BMAL1: variants seen among roughly 807,000 people sequenced by gnomAD.
BMAL1 encodes the protein basic helix-loop-helix ARNT like 1.
chr11:13,284,144 GTGTATATATATATA>G, the BMAL1 span, among the ~76,000 whole-genome samples: 572 of 61,648 alleles, frequency 9.3e-3, 37 homozygotes, highest in East Asian at 0.031. Context: ...ATATATATAT[GTGTATATATATATA>G]TGTGTGTATA....
chr11:13,329,538 C>G, the BMAL1 span, among the ~76,000 whole-genome samples: 1 of 152,190 alleles, frequency 6.6e-6, no homozygotes, highest in Non-Finnish European at 1.5e-5. Context: ...AGTTTCCAGC[C>G]AGAGCCCATT....
chr11:13,315,577 G>A, the BMAL1 span, among the ~76,000 whole-genome samples: 4 of 152,202 alleles, frequency 2.6e-5, no homozygotes, highest in African/African-American at 9.6e-5. Flanking sequence ...TATCCCAGAT[G>A]CTGGACTGTG....
chr11:13,316,713 GT>G, the BMAL1 span, among the ~76,000 whole-genome samples: 1 of 152,208 alleles, frequency 6.6e-6, no homozygotes, highest in Admixed American at 6.5e-5. Flanking sequence ...GACTCATACT[GT>G]TTTTGACTGG....
the BMAL1 span, among the ~76,000 whole-genome samples, chr11:13,302,900 TCC>T: frequency 6.6e-6 from 1 of 152,226 alleles, no homozygotes; most frequent in African/African-American, 2.4e-5. Flanking sequence ...CATGTAAATA[TCC>T]ATTCAGCCTC....
At chr11:13,322,267 G>A in the BMAL1 span, among the ~76,000 whole-genome samples, 1 of 152,044 alleles carries the variant, frequency 6.6e-6, no homozygotes, top group Non-Finnish European at 1.5e-5. Context: ...GACTAACTGG[G>A]TGTTTCTGCA....
At chr11:13,331,449 A>T in the BMAL1 span, among the ~76,000 whole-genome samples, 1 of 152,156 alleles carries the variant, frequency 6.6e-6, no homozygotes, top group African/African-American at 2.4e-5. Context: ...GAAGATAAGT[A>T]TTGCAACTTT....
At chr11:13,380,920 G>A in the BMAL1 span, 1 of 424,946 alleles carries the variant, frequency 2.4e-6, no homozygotes, top group South Asian at 3.8e-5. Context: ...TGTAAATAAA[G>A]TTTTATTGGA....
At chr11:13,344,978 A>C in the BMAL1 span, among the ~76,000 whole-genome samples, 10 of 152,214 alleles carry the variant, frequency 6.6e-5, no homozygotes, top group Admixed American at 5.2e-4. Flanking sequence ...GTGGCAACTC[A>C]AGCACCCCTG....
chr11:13,330,362 G>A, the BMAL1 span, among the ~76,000 whole-genome samples: 1 of 152,198 alleles, frequency 6.6e-6, no homozygotes, highest in Non-Finnish European at 1.5e-5. Context: ...GCAACAAGCA[G>A]CAGAAGGCTG....
chr11:13,334,370 C>T, the BMAL1 span, among the ~76,000 whole-genome samples: 6 of 152,330 alleles, frequency 3.9e-5, no homozygotes, highest in East Asian at 1.2e-3. Context: ...GAACCATTTT[C>T]TGTGAAACCT....
the BMAL1 span, among the ~76,000 whole-genome samples, chr11:13,281,993 C>G: frequency 6.6e-6 from 1 of 152,182 alleles, no homozygotes; most frequent in African/African-American, 2.4e-5. Context: ...CCTGTCTCTC[C>G]TGTGTTCTGC....
chr11:13,359,704 A>G, the BMAL1 span, among the ~76,000 whole-genome samples: 1 of 151,998 alleles, frequency 6.6e-6, no homozygotes, highest in African/African-American at 2.4e-5. Context: ...TACTGCTGGC[A>G]TTTTTCTCTG....
At chr11:13,316,168 G>A in the BMAL1 span, among the ~76,000 whole-genome samples, 237 of 152,310 alleles carry the variant, frequency 1.6e-3, 1 homozygote, top group Non-Finnish European at 2.5e-3. Flanking sequence ...GACTGCCCAT[G>A]GCAGGTCATG....
At chr11:13,379,890 G>A in the BMAL1 span, 1 of 152,336 alleles carries the variant, frequency 6.6e-6, no homozygotes, top group East Asian at 1.9e-4. Flanking sequence ...GAAGAAACCT[G>A]TAAGACCCCA....
chr11:13,356,132 C>T, the BMAL1 span, among the ~76,000 whole-genome samples: 9 of 152,156 alleles, frequency 5.9e-5, no homozygotes, highest in Non-Finnish European at 1.0e-4. Context: ...CTGTGGCCCT[C>T]AGCCCCACTA....
the BMAL1 span, among the ~76,000 whole-genome samples, chr11:13,308,311 C>G: frequency 6.6e-6 from 1 of 152,104 alleles, no homozygotes; most frequent in Non-Finnish European, 1.5e-5. Flanking sequence ...CACAAAGCTC[C>G]CATCTACTTC....
At chr11:13,332,851 C>A in the BMAL1 span, among the ~76,000 whole-genome samples, 1 of 151,952 alleles carries the variant, frequency 6.6e-6, no homozygotes, top group Non-Finnish European at 1.5e-5. Flanking sequence ...AAGTAGCCTG[C>A]GAACTGGAAT....
At chr11:13,377,391 C>T in the BMAL1 span, among the ~76,000 whole-genome samples, 9 of 152,292 alleles carry the variant, frequency 5.9e-5, no homozygotes, top group African/African-American at 1.9e-4. Flanking sequence ...AAGCCAGAAA[C>T]CTGGCTGTTG....
the BMAL1 span, among the ~76,000 whole-genome samples, chr11:13,296,372 A>T: frequency 1.3e-5 from 2 of 152,166 alleles, no homozygotes; most frequent in African/African-American, 4.8e-5. Context: ...CTGGGGAATC[A>T]CTTGGCTTTC....
Sources: gnomAD v4.1 joint callset for allele counts (sites outside exome capture counted in the v4.1 genomes callset) on GRCh38, gnomAD v4.1.1 for gene constraint, MANE v1.5 for transcripts, NCBI Gene and HGNC (gene_info 2026-07-23, HGNC 2026-07-21) for gene names.